The following DHRS3 variants were observed in gnomAD, a reference collection of about 807,000 sequenced individuals.
DHRS3 encodes dehydrogenase/reductase 3.
DHRS3 carries 14 observed loss-of-function variants against 27.2 expected under a neutral mutation model. The ratio of observed to expected loss-of-function variants is 0.52; its 90% CI spans 0.34 to 0.81. The LOEUF is 0.81. Among genes scored for constraint, DHRS3 ranks in the 30% least tolerant of loss-of-function variants. The probability of loss-of-function intolerance (pLI) is 0.01; values close to 1 mark genes in which losing one functional copy is unlikely to be tolerated. For missense variants in DHRS3, 322 were observed against 406.2 expected (o/e 0.79, Z 1.78); for synonymous variants, 165 against 175.9 (o/e 0.94, Z 0.49).
chr1:12,585,455 T>G (rs1646689233), intron 1 of DHRS3, among the ~76,000 whole-genome samples: 1 of 152,174 alleles, frequency 6.6e-6, no homozygotes, highest in Non-Finnish European at 1.5e-5. Context: ...AGGTCCTTGG[T>G]GGATGCTGGG....
chr1:12,572,501 G>A (rs376205084), intron 5 of DHRS3, among the ~76,000 whole-genome samples: 19 of 152,124 alleles, frequency 1.2e-4, no homozygotes, highest in African/African-American at 4.6e-4. Flanking sequence ...AGTAAATAGC[G>A]ATAGCTACAA....
chr1:12,576,301 G>A (rs1570357532), intron 4 of DHRS3, among the ~76,000 whole-genome samples: 1 of 151,624 alleles, frequency 6.6e-6, no homozygotes, highest in Admixed American at 6.6e-5. Flanking sequence ...GGTGGCTCAC[G>A]CCTGTAATCC....
Position 12,578,651 on chromosome 1 carries a change from G to T in DHRS3, c.698+67C>A. 1 of 1,468,254 alleles carries T rather than the reference G, an allele frequency of 6.8e-7. No individual in the cohort carries two copies. Among genetic ancestry groups the T allele is most frequent in the Non-Finnish European group, 9.5e-7 (1 of 1,051,770 alleles). 91.0% of individuals were successfully genotyped at this position (1,468,254 alleles called of 1,614,324 possible). ...TATATCAGAGCTCTTTCTGCAGTTG[G>T]CTGACTGAATGGCTTGGGGAGGCAG... On this transcript the variant is annotated intron_variant, in intron 4 of 5. Transcript: ENST00000616661. The surrounding 1 kb of genome is among the most constrained non-coding windows in gnomAD (Gnocchi z 4.5).
chr1:12,617,101 G>A, intron 1 of DHRS3, 53 bp downstream of exon 1: 1 of 1,553,510 alleles, frequency 6.4e-7, no homozygotes, highest in South Asian at 1.2e-5. Flanking sequence ...CAGCAGGTGG[G>A]CTTACCCCCG....
chr1:12,590,575 G>T (rs961432030), intron 1 of DHRS3, among the ~76,000 whole-genome samples: 2 of 152,074 alleles, frequency 1.3e-5, no homozygotes, highest in African/African-American at 4.8e-5. Context: ...CTCCCAAAGT[G>T]CTGGGATTAC....
Position 12,607,875 on chromosome 1 carries a change from G to A in DHRS3, c.195+9279C>T, listed in dbSNP as rs114872405. Reference sequence around the variant, plus strand: ...TGTGTGTGTGTATGTGTGTGTGTGTGTATATATGGAGAGAGGGAGAAAGAC... The same window carrying A: ...TGTGTGTGTGTATGTGTGTGTGTGTATATATATGGAGAGAGGGAGAAAGAC... On this transcript the variant is annotated intron_variant, in intron 1 of 5. Transcript: ENST00000616661. Among the ~76,000 whole-genome samples the A allele has an allele frequency of 5.8e-3, 889 of 152,048 alleles. 8 individuals are homozygous for A. Among genetic ancestry groups the A allele is most frequent in the African/African-American group, 0.02 (826 of 41,428 alleles).
At chr1:12,599,635 C>CT (rs1646822222) in intron 1 of DHRS3, among the ~76,000 whole-genome samples, 1 of 152,262 alleles carries the variant, frequency 6.6e-6, no homozygotes, top group South Asian at 2.1e-4. Context: ...AGGCCAGGGT[C>CT]TTTTTCCCAA....
chr1:12,571,153 A>G (rs1646533044), intron 5 of DHRS3, among the ~76,000 whole-genome samples: 1 of 152,224 alleles, frequency 6.6e-6, no homozygotes, highest in South Asian at 2.1e-4. Flanking sequence ...CACTTGTGGC[A>G]CCAGGGACAA....
chr1:12,569,637 G>T (rs1646518477), intron 5 of DHRS3, among the ~76,000 whole-genome samples: 1 of 152,086 alleles, frequency 6.6e-6, no homozygotes, highest in South Asian at 2.1e-4. Flanking sequence ...GCGATCTGGG[G>T]TCACTGCAAC....
In DHRS3 at chr1:12,606,011, G is replaced by A. The variant is rs774207737; in HGVS notation, c.195+11143C>T. Among the ~76,000 whole-genome samples the A allele has an allele frequency of 1.1e-4, 16 of 151,728 alleles. No individual in the cohort carries two copies. In the East Asian group the frequency reaches 1.4e-3, roughly 13 times the overall value. On this transcript the variant is annotated intron_variant, in intron 1 of 5. Transcript: ENST00000616661. ...AAAATTAGCCAGCATGGTGACGTGC[G>A]CCTGTAGTCCCAGCTACTTGGGAGG...
At position 12,617,421 on chromosome 1, in the gene DHRS3, G is replaced by T; in HGVS notation, c.-73C>A. 1 of 1,465,128 alleles carries T rather than the reference G, an allele frequency of 6.8e-7. No homozygotes were observed. The highest frequency in any genetic ancestry group is 9.2e-7 in the Non-Finnish European group (1 of 1,090,148). 90.8% of individuals were successfully genotyped at this position (1,465,128 alleles called of 1,614,324 possible). On this transcript the variant is annotated 5_prime_UTR_variant, in exon 1 of 6. Transcript: ENST00000616661. The stretch of plus-strand genomic sequence containing the variant: ...CAATACAGGAATTAAAAAACACCCC[G>T]AACAATAAATAGTAAACCGAATAAG...
intron 1 of DHRS3, among the ~76,000 whole-genome samples, chr1:12,585,089 C>G (rs1278083528): frequency 2.1e-5 from 3 of 141,440 alleles, no homozygotes; most frequent in Admixed American, 1.4e-4. Context: ...GTGGGTGTCT[C>G]TCTGTGTGAA....
intron 1 of DHRS3, among the ~76,000 whole-genome samples, chr1:12,614,641 T>A (rs924128844): frequency 1.3e-5 from 2 of 150,164 alleles, no homozygotes; most frequent in Admixed American, 6.6e-5. Flanking sequence ...ACTCTCTCCC[T>A]CCTTCCCAAA....
intron 1 of DHRS3, chr1:12,596,326 C>T (rs1411341911): frequency 6.6e-6 from 1 of 152,128 alleles, no homozygotes; most frequent in Non-Finnish European, 1.5e-5. Context: ...GCCTCTAAAC[C>T]CGAGGGCTGG....
intron 1 of DHRS3, among the ~76,000 whole-genome samples, chr1:12,613,524 C>T (rs1389597510): frequency 1.3e-5 from 2 of 152,196 alleles, no homozygotes; most frequent in African/African-American, 4.8e-5. Context: ...GACTTATAAG[C>T]TTGGGCTGGC....
Position 12,591,658 on chromosome 1 carries a change from C to T in DHRS3, c.196-10992G>A, listed in dbSNP as rs76887791. ...CGTGGGGCGTCTAGTCCTCTGTCAGCTCAGAAGGGCTCATACCCGAGAAAA... is the reference window on the plus strand; with the variant it reads ...CGTGGGGCGTCTAGTCCTCTGTCAGTTCAGAAGGGCTCATACCCGAGAAAA... On this transcript the variant is annotated intron_variant, in intron 1 of 5. Coordinates refer to ENST00000616661, the MANE Select transcript of DHRS3 (RefSeq NM_004753.7). This position sits in a 1 kb window ranked among gnomAD's most constrained non-coding sequence, Gnocchi z 4.1. Among the ~76,000 whole-genome samples, 1,544 of 152,356 alleles carry T rather than the reference C, an allele frequency of 0.01. 11 individuals are homozygous for T. The highest frequency in any genetic ancestry group is 0.013 in the Non-Finnish European group (886 of 68,032).
intron 4 of DHRS3, among the ~76,000 whole-genome samples, chr1:12,573,416 T>G (rs967752479): frequency 6.6e-6 from 1 of 152,238 alleles, no homozygotes; most frequent in African/African-American, 2.4e-5. Context: ...TTGGGTTGTT[T>G]CCTTGTCAGT....
At chr1:12,600,096 G>A (rs925551445) in intron 1 of DHRS3, among the ~76,000 whole-genome samples, 1 of 152,148 alleles carries the variant, frequency 6.6e-6, no homozygotes, top group Admixed American at 6.5e-5. Flanking sequence ...CACGGCAAGT[G>A]AATAGAAGAG....
At chr1:12,601,627 T>C (rs1213686727) in intron 1 of DHRS3, among the ~76,000 whole-genome samples, 1 of 152,132 alleles carries the variant, frequency 6.6e-6, no homozygotes, top group Non-Finnish European at 1.5e-5. Flanking sequence ...GTGATGTTGT[T>C]TGACCCATAT....
Sources: allele counts gnomAD v4.1 joint callset (sites outside exome capture counted in the v4.1 genomes callset), GRCh38; gene constraint gnomAD v4.1.1; non-coding constraint Gnocchi (gnomAD v3.1); transcripts MANE v1.5; gene names NCBI Gene and HGNC (gene_info 2026-07-23, HGNC 2026-07-21).